LRRC4C: variants seen among roughly 807,000 people sequenced by gnomAD.
LRRC4C encodes leucine rich repeat containing 4C.
A neutral mutation model predicts 33.6 loss-of-function variants in LRRC4C; 5 were observed. The ratio of observed to expected loss-of-function variants is 0.15; its 90% CI spans 0.08 to 0.31. LRRC4C has a LOEUF of 0.31. Among genes scored for constraint, LRRC4C ranks in the 10% least tolerant of loss-of-function variants. The probability of loss-of-function intolerance (pLI) is 1.00; values close to 1 mark genes in which losing one functional copy is unlikely to be tolerated. For missense variants in LRRC4C, 560 were observed against 796.7 expected (o/e 0.70, Z 3.58); for synonymous variants, 329 against 302.0 (o/e 1.09, Z -0.93).
intron 3 of LRRC4C, among the ~76,000 whole-genome samples, chr11:40,364,505 C>T (rs1248264966): frequency 6.6e-6 from 1 of 151,902 alleles, no homozygotes; most frequent in East Asian, 1.9e-4. Context: ...AACTTGAATA[C>T]ATAGAAACTA....
Position 40,872,115 on chromosome 11 carries a change from C to T in LRRC4C, c.-407+61520G>A, listed in dbSNP as rs77670722. On this transcript the variant is annotated intron_variant, in intron 2 of 6. Coordinates refer to ENST00000528697, the MANE Select transcript of LRRC4C (RefSeq NM_001258419.2). ...TCCTGTGTGAAGGATGCCCTGGTGG[C>T]GAGATCTGACAACTAGGCATCGGGA... Among the ~76,000 whole-genome samples, 619 of 152,110 alleles carry T rather than the reference C, an allele frequency of 4.1e-3. 5 individuals carry two copies. The highest frequency in any genetic ancestry group is 0.014 in the African/African-American group (592 of 41,506).
chr11:40,596,894 C>G (rs533143031), intron 3 of LRRC4C, among the ~76,000 whole-genome samples: 79 of 152,050 alleles, frequency 5.2e-4, no homozygotes, highest in African/African-American at 1.8e-3. Flanking sequence ...AATGTATGAA[C>G]AGATAAAAAA....
At chr11:41,030,551 A>G (rs1433509477) in intron 1 of LRRC4C, among the ~76,000 whole-genome samples, 1 of 151,852 alleles carries the variant, frequency 6.6e-6, no homozygotes, top group Non-Finnish European at 1.5e-5. Context: ...AACATGCTAA[A>G]GTGACAATCA....
chr11:40,562,668 T>C (rs1044712265), intron 3 of LRRC4C, among the ~76,000 whole-genome samples: 2 of 152,168 alleles, frequency 1.3e-5, no homozygotes, highest in Non-Finnish European at 2.9e-5. Flanking sequence ...ACCTTAAGTG[T>C]ACACTTAGAT....
intron 3 of LRRC4C, among the ~76,000 whole-genome samples, chr11:40,417,160 T>C (rs1348321074): frequency 2.0e-5 from 3 of 152,222 alleles, no homozygotes; most frequent in South Asian, 4.1e-4. Flanking sequence ...TTCCCTTCAG[T>C]ACTCAGTTTT....
At position 41,368,880 on chromosome 11, in the gene LRRC4C, C is replaced by A. The variant is rs577067695; in HGVS notation, c.-496+90551G>T. Among the ~76,000 whole-genome samples the A allele has an allele frequency of 2.0e-5, 3 of 152,242 alleles. No individual in the cohort carries two copies. In the East Asian group the frequency reaches 5.8e-4, roughly 29 times the overall value. On this transcript the variant is annotated intron_variant, in intron 1 of 6. Transcript: ENST00000528697. ...GCATCCTAAATATCCATTGTAAGAA[C>A]CCATTTGTAGACAGACATGTTATGG... is the stretch of plus-strand genomic sequence containing the variant.
chr11:41,350,902 T>C (rs1951958269), intron 1 of LRRC4C, among the ~76,000 whole-genome samples: 1 of 152,180 alleles, frequency 6.6e-6, no homozygotes, highest in South Asian at 2.1e-4. Flanking sequence ...TCTGGAAGAC[T>C]GGTTCTTTGA....
At chr11:40,696,748 G>GTATATATATATATATA (rs57752272) in intron 2 of LRRC4C, among the ~76,000 whole-genome samples, 150 of 125,850 alleles carry the variant, frequency 1.2e-3, no homozygotes, top group African/African-American at 4.2e-3. Context: ...TATACACTGT[G>GTATATATATATATATA]TATATATATA....
intron 1 of LRRC4C, among the ~76,000 whole-genome samples, chr11:41,329,208 G>A (rs1951217504): frequency 6.6e-6 from 1 of 152,112 alleles, no homozygotes; most frequent in Non-Finnish European, 1.5e-5. Context: ...TTCCCTAACT[G>A]GCTCTGTGAC....
At chr11:41,020,196 T>C (rs1409976228) in intron 1 of LRRC4C, among the ~76,000 whole-genome samples, 1 of 152,176 alleles carries the variant, frequency 6.6e-6, no homozygotes, top group Non-Finnish European at 1.5e-5. Flanking sequence ...GTACAAAATA[T>C]GTCTGATCAC....
At chr11:40,635,296 T>C (rs1456323643) in intron 3 of LRRC4C, among the ~76,000 whole-genome samples, 2 of 152,218 alleles carry the variant, frequency 1.3e-5, no homozygotes, top group Admixed American at 1.3e-4. Context: ...ATTAAGCTAG[T>C]TGTCTACAGG....
intron 1 of LRRC4C, among the ~76,000 whole-genome samples, chr11:41,228,393 A>G (rs529532879): frequency 6.6e-6 from 1 of 152,120 alleles, no homozygotes; most frequent in Non-Finnish European, 1.5e-5. Flanking sequence ...GTAGAATTTT[A>G]GGTAAACAAT....
intron 3 of LRRC4C, among the ~76,000 whole-genome samples, chr11:40,571,096 T>C (rs2135564792): frequency 6.6e-6 from 1 of 152,202 alleles, no homozygotes; most frequent in South Asian, 2.1e-4. Context: ...GTTTTATGAA[T>C]ATATAACCAC....
chr11:40,746,124 T>C (rs542248157), intron 2 of LRRC4C, among the ~76,000 whole-genome samples: 2 of 151,810 alleles, frequency 1.3e-5, no homozygotes. Context: ...TGAAAGAGGG[T>C]CCCCAACACA....
At chr11:40,282,841 A>G (rs1468386952) in intron 4 of LRRC4C, among the ~76,000 whole-genome samples, 1 of 152,196 alleles carries the variant, frequency 6.6e-6, no homozygotes, top group Non-Finnish European at 1.5e-5. Context: ...GAATGTATGT[A>G]TGCCTGGCTC....
intron 3 of LRRC4C, among the ~76,000 whole-genome samples, chr11:40,406,246 A>G (rs1478523926): frequency 6.6e-6 from 1 of 152,050 alleles, no homozygotes; most frequent in Non-Finnish European, 1.5e-5. Context: ...ACTAAATGCT[A>G]CTCAGTCTTA....
At chr11:41,363,424 G>C (rs1332184082) in intron 1 of LRRC4C, among the ~76,000 whole-genome samples, 1 of 152,170 alleles carries the variant, frequency 6.6e-6, no homozygotes, top group Non-Finnish European at 1.5e-5. Context: ...AATGTTTTCT[G>C]TATCTGTATA....
intron 2 of LRRC4C, among the ~76,000 whole-genome samples, chr11:40,801,426 T>G (rs1951036681): frequency 6.6e-6 from 1 of 152,160 alleles, no homozygotes; most frequent in Non-Finnish European, 1.5e-5. Flanking sequence ...CCAATACCAC[T>G]TTATAGCAAT....
chr11:40,858,509 A>C (rs1302362804), intron 2 of LRRC4C, among the ~76,000 whole-genome samples: 4 of 151,974 alleles, frequency 2.6e-5, no homozygotes, highest in Non-Finnish European at 5.9e-5. Flanking sequence ...AGCCTGGCCA[A>C]CATGGTGAAA....
Sources: allele counts gnomAD v4.1 joint callset (sites outside exome capture counted in the v4.1 genomes callset), GRCh38; gene constraint gnomAD v4.1.1; transcripts MANE v1.5; gene names NCBI Gene and HGNC (gene_info 2026-07-23, HGNC 2026-07-21).